The following TDRKH variants were observed in gnomAD, a reference collection of about 807,000 sequenced individuals.
The protein encoded by TDRKH is tudor and KH domain-containing protein.
In TDRKH, 28 loss-of-function variants were observed where a neutral mutation model predicts 61.3. That is an observed-to-expected ratio of 0.46 (90% confidence interval 0.34 to 0.63). The LOEUF (loss-of-function observed/expected upper bound fraction) is 0.63, where lower values mean the gene tolerates loss of function less well. TDRKH is among the 20% of genes least tolerant of loss of function. The pLI, the probability that TDRKH is intolerant of heterozygous loss-of-function variation, is 0.01. For synonymous variants in TDRKH, 219 were observed against 244.4 expected, an observed-to-expected ratio of 0.90 and a Z score of 0.97; for missense variants, 540 against 683.4, an observed-to-expected ratio of 0.79 and a Z score of 2.34.
downstream of TDRKH, among the ~76,000 whole-genome samples, chr1:151,770,897 C>T (rs547595875): frequency 6.6e-6 from 1 of 152,338 alleles, no homozygotes; most frequent in African/African-American, 2.4e-5. Flanking sequence ...GCAGGACTAA[C>T]TCACAGAACA....
At chr1:151,768,874 G>C (rs903210121), downstream of TDRKH, among the ~76,000 whole-genome samples, 1 of 152,016 alleles carries the variant, frequency 6.6e-6, no homozygotes, top group South Asian at 2.1e-4. Flanking sequence ...GACTCTTAAC[G>C]AGCATGCTGC....
rs756290218 is a variant in TDRKH, at chr1:151,775,135, T to C, written c.1466A>G (p.Lys489Arg). ...TTCAGGAAGCTCAATTGCGTATCCT[T>C]TGTGTACTAATTCTAGCCCAATATC... ...KLDIGLELVH[K>R]GYAIELPEDI... is the part of the protein sequence containing the mutation. Residue 489 changes from lysine to arginine, a missense_variant, in exon 11 of 13, where the codon AAA becomes AGA. Physicochemically the swap from Lys to Arg is conservative, Grantham distance 26 (BLOSUM62 2). Around this residue, in one of 3 missense-constraint regions of TDRKH, gnomAD observed 379 missense variants for 443.8 expected, o/e 0.85. Coordinates refer to ENST00000368824, the MANE Select transcript of TDRKH (RefSeq NM_001083965.2). 1.9e-6 allele frequency: 3 copies of C among 1,614,134 alleles called. No homozygotes were observed. The highest frequency in any genetic ancestry group is 2.7e-5 in the African/African-American group (2 of 75,042).
intron 2 of TDRKH, 117 bp downstream of exon 2, chr1:151,782,770 AAAAAAACCCCAC>A (rs1240065064): frequency 7.8e-7 from 1 of 1,277,412 alleles, no homozygotes; most frequent in South Asian, 1.7e-5. Context: ...ACCCTGTCTC[AAAAAAACCCCAC>A]AAAAAACCCC....
intron 2 of TDRKH, chr1:151,782,140 A>T: frequency 2.7e-6 from 1 of 375,600 alleles, no homozygotes; most frequent in Non-Finnish European, 5.1e-6. Flanking sequence ...TTCATTTCAT[A>T]GACTAGCTTA....
intron 6 of TDRKH, 105 bp downstream of exon 6, chr1:151,778,580 T>G (rs1571992602): frequency 6.4e-7 from 1 of 1,573,200 alleles, no homozygotes; most frequent in Non-Finnish European, 8.7e-7. Flanking sequence ...CCCAGCCATA[T>G]TATACTGGCT....
At chr1:151,768,337 A>T, downstream of TDRKH, 5 of 1,468,822 alleles carry the variant, frequency 3.4e-6, no homozygotes, top group Non-Finnish European at 4.6e-6. Flanking sequence ...GATATAAGCA[A>T]TCCATTCACC....
downstream of TDRKH, among the ~76,000 whole-genome samples, chr1:151,768,687 T>C (rs1473235941): frequency 1.3e-5 from 2 of 152,206 alleles, no homozygotes; most frequent in Non-Finnish European, 2.9e-5. Context: ...CCAGTATTTA[T>C]TGATCATTCT....
chr1:151,776,336 A>G, intron 7 of TDRKH, 68 bp from the exon 8 acceptor site: 1 of 1,594,320 alleles, frequency 6.3e-7, no homozygotes, highest in African/African-American at 1.3e-5. Context: ...GAATTGCAGG[A>G]GGAAGAAAGA....
Position 151,775,979 on chromosome 1 carries a change from C to A in TDRKH, c.1218-95G>T, listed in dbSNP as rs1649126053. ...AGAACCAACTAACATGAGACGATAA[C>A]CATCTGCTCTCTGTAAACAGGTTCC... On this transcript the variant is annotated intron_variant, in intron 8 of 12. Coordinates refer to ENST00000368824, the MANE Select transcript of TDRKH (RefSeq NM_001083965.2). 1.2e-5 allele frequency: 19 copies of A among 1,568,724 alleles called. No individual in the cohort carries two copies. The Admixed American group carries it at 2.8e-4, about 23-fold the overall frequency.
At chr1:151,784,804 C>T (rs1485534342) in intron 1 of TDRKH, among the ~76,000 whole-genome samples, 1 of 152,108 alleles carries the variant, frequency 6.6e-6, no homozygotes, top group Non-Finnish European at 1.5e-5. Flanking sequence ...ATTAATAGAT[C>T]CATTTAGGAC....
Position 151,774,446 on chromosome 1 carries a change from C to T in TDRKH, c.*6G>A. On this transcript the variant is annotated 3_prime_UTR_variant, in exon 13 of 13. Transcript: ENST00000368824. Reference sequence around the variant, plus strand: ...GCAGATGGCTGAGCAAACTGAAGCCCAGACTTCAGAGTAAGTAGTCATCTT... The same window carrying T: ...GCAGATGGCTGAGCAAACTGAAGCCTAGACTTCAGAGTAAGTAGTCATCTT... 1 of 1,614,018 alleles carries T rather than the reference C, an allele frequency of 6.2e-7. No homozygotes were observed. The highest frequency in any genetic ancestry group is 8.5e-7 in the Non-Finnish European group (1 of 1,179,900).
At chr1:151,771,305 C>T (rs1330745241), downstream of TDRKH, 1 of 1,555,472 alleles carries the variant, frequency 6.4e-7, no homozygotes, top group African/African-American at 1.4e-5. Context: ...CACTTTCCAT[C>T]CTAGGAATAA....
At chr1:151,779,868 G>T in intron 4 of TDRKH, 83 bp downstream of exon 4, 1 of 1,417,196 alleles carries the variant, frequency 7.1e-7, no homozygotes, top group Non-Finnish European at 9.5e-7. Flanking sequence ...GGGGAACTAG[G>T]CCAGAAAAAA....
downstream of TDRKH, chr1:151,767,218 T>C: frequency 1.2e-6 from 2 of 1,614,018 alleles, no homozygotes; most frequent in South Asian, 2.2e-5. Flanking sequence ...CTGCCTCCAG[T>C]GCTCCTGAGT....
intron 6 of TDRKH, among the ~76,000 whole-genome samples, chr1:151,776,938 C>T (rs1021779059): frequency 1.3e-5 from 2 of 152,176 alleles, no homozygotes; most frequent in African/African-American, 4.8e-5. Flanking sequence ...TGGACAGTGA[C>T]GGACATGGAC....
intron 1 of TDRKH, among the ~76,000 whole-genome samples, chr1:151,789,844 A>C (rs1650733038): frequency 6.6e-6 from 1 of 152,178 alleles, no homozygotes; most frequent in African/African-American, 2.4e-5. Flanking sequence ...AGAAAAAAAA[A>C]AGTGTCAACC....
rs375240297 is a variant in TDRKH, at chr1:151,778,793, C to T, written c.775G>A (p.Gly259Ser). ...PLVTPPPKGG[G>S]DMAVVVSKEG... Reference sequence around the variant, plus strand: ...TTTGACACTACCACAGCCATGTCGCCTCCTCCTTTGGGTGGAGGAGTCACC... The same window carrying T: ...TTTGACACTACCACAGCCATGTCGCTTCCTCCTTTGGGTGGAGGAGTCACC... The change falls in exon 6 of 13, where the codon GGC becomes AGC. Residue 259 changes from glycine to serine, a missense_variant. Physicochemically the swap from Gly to Ser is moderately conservative, Grantham distance 56 (BLOSUM62 0). This residue lies in a region of TDRKH where 379 missense variants were observed against 443.8 expected (regional missense o/e 0.85). Transcript: ENST00000368824. 31 of 1,614,218 alleles carry T rather than the reference C, an allele frequency of 1.9e-5. No individual in the cohort carries two copies. In the Middle Eastern group the frequency reaches 6.6e-4, roughly 34 times the overall value.
At chr1:151,786,565 G>A (rs950329172) in intron 1 of TDRKH, among the ~76,000 whole-genome samples, 5 of 152,200 alleles carry the variant, frequency 3.3e-5, no homozygotes, top group African/African-American at 1.2e-4. Context: ...GAGAAGGGTA[G>A]ACTACTACAC....
At chr1:151,781,364 A>G in intron 3 of TDRKH, 117 bp downstream of exon 3, 2 of 479,216 alleles carry the variant, frequency 4.2e-6, no homozygotes, top group South Asian at 5.0e-5. Flanking sequence ...ACACACACAC[A>G]TACACACACA....
Sources: gnomAD v4.1 joint callset for allele counts (sites outside exome capture counted in the v4.1 genomes callset) on GRCh38, gnomAD v4.1.1 for gene constraint, gnomAD v4.1.1 regional missense constraint, MANE v1.5 for transcripts, NCBI Gene and HGNC (gene_info 2026-07-23, HGNC 2026-07-21) for gene names.